Variants in ATRNL1 observed in about 807,000 individuals in gnomAD.
ATRNL1 encodes attractin like 1.
Under a neutral mutation model 182.7 loss-of-function variants are expected in ATRNL1, and 95 were observed. That is an observed-to-expected ratio of 0.52 (90% CI 0.44 to 0.62). ATRNL1 has a LOEUF of 0.62. Among genes scored for constraint, ATRNL1 ranks in the 20% least tolerant of loss-of-function variants. The pLI, the probability that ATRNL1 is intolerant of heterozygous loss-of-function variation, is 0.00. For missense variants in ATRNL1, 1,471 were observed against 1,679.5 expected (o/e 0.88, Z 2.17); for synonymous variants, 576 against 568.3 (o/e 1.01, Z -0.19).
At chr10:115,201,505 CG>C in intron 8 of ATRNL1, among the ~76,000 whole-genome samples, 1 of 152,126 alleles carries the variant, frequency 6.6e-6, no homozygotes, top group Admixed American at 6.6e-5. Context: ...CCCCATTGCT[CG>C]TTTTTCTCAG....
chr10:115,269,224 A>G (rs1851735814), intron 13 of ATRNL1, among the ~76,000 whole-genome samples: 1 of 152,222 alleles, frequency 6.6e-6, no homozygotes, highest in Non-Finnish European at 1.5e-5. Flanking sequence ...AGAAGCAAAA[A>G]TTAAGATTTT....
intron 9 of ATRNL1, among the ~76,000 whole-genome samples, chr10:115,218,180 G>T (rs913928717): frequency 6.6e-6 from 1 of 151,652 alleles, no homozygotes; most frequent in Non-Finnish European, 1.5e-5. Flanking sequence ...GCAACTAGAT[G>T]GTCCCATTCT....
intron 28 of ATRNL1, among the ~76,000 whole-genome samples, chr10:115,932,279 A>G (rs572434204): frequency 2.7e-4 from 41 of 152,224 alleles, no homozygotes; most frequent in Non-Finnish European, 5.6e-4. Flanking sequence ...AATGTGTACT[A>G]TCAGGGTCCT....
Position 115,244,539 on chromosome 10 carries a change from T to G in ATRNL1, c.1687+2814T>G, listed in dbSNP as rs1355188654. Among the ~76,000 whole-genome samples, 7 of 152,336 alleles carry G rather than the reference T, an allele frequency of 4.6e-5. No individual in the cohort carries two copies. The East Asian group carries it at 1.4e-3, about 29-fold the overall frequency. On this transcript the variant is annotated intron_variant, in intron 10 of 28. Transcript: ENST00000355044. Reference sequence around the variant, plus strand: ...ACTAAAGTGCAGCTGATAATACAGCTAGGGTGGTGAATAAGATAGGTTGAG... The same window carrying G: ...ACTAAAGTGCAGCTGATAATACAGCGAGGGTGGTGAATAAGATAGGTTGAG...
At chr10:115,346,964 A>AT (rs1431804762) in intron 19 of ATRNL1, among the ~76,000 whole-genome samples, 1 of 152,042 alleles carries the variant, frequency 6.6e-6, no homozygotes, top group East Asian at 1.9e-4. Context: ...CACAATGATT[A>AT]TTTTTTTGCC....
chr10:115,671,029 G>T (rs567354420), intron 26 of ATRNL1, among the ~76,000 whole-genome samples: 2 of 152,240 alleles, frequency 1.3e-5, no homozygotes, highest in African/African-American at 4.8e-5. Context: ...CTGTGGTAGT[G>T]GGGTTGGAGC....
chr10:115,107,472 C>T (rs188683323), intron 1 of ATRNL1, among the ~76,000 whole-genome samples: 1 of 152,306 alleles, frequency 6.6e-6, no homozygotes, highest in East Asian at 1.9e-4. Flanking sequence ...CTCCCAAGAC[C>T]TCAGGCAGCC....
chr10:115,818,451 A>G (rs781942410), intron 27 of ATRNL1, among the ~76,000 whole-genome samples: 14 of 152,108 alleles, frequency 9.2e-5, no homozygotes, highest in Admixed American at 2.0e-4. Context: ...GCCCTATTCA[A>G]AAATGTTTCA....
chr10:115,106,304 A>G (rs1844006989), intron 1 of ATRNL1, among the ~76,000 whole-genome samples: 1 of 151,916 alleles, frequency 6.6e-6, no homozygotes, highest in Non-Finnish European at 1.5e-5. Context: ...CAATACCTAT[A>G]CCCCCATTGT....
At chr10:115,473,622 C>T (rs1848405279) in intron 24 of ATRNL1, among the ~76,000 whole-genome samples, 1 of 151,202 alleles carries the variant, frequency 6.6e-6, no homozygotes, top group Non-Finnish European at 1.5e-5. Context: ...TCTACTTCAT[C>T]TTTTTGGAAG....
At chr10:115,132,046 C>T (rs1554875320) in intron 5 of ATRNL1, among the ~76,000 whole-genome samples, 1 of 152,214 alleles carries the variant, frequency 6.6e-6, no homozygotes, top group African/African-American at 2.4e-5. Flanking sequence ...ACGTCACTTA[C>T]ATTAGGTGTA....
At chr10:115,351,307 C>T (rs569565229) in intron 19 of ATRNL1, among the ~76,000 whole-genome samples, 4 of 152,062 alleles carry the variant, frequency 2.6e-5, no homozygotes, top group Non-Finnish European at 4.4e-5. Flanking sequence ...TGAAAGTGGG[C>T]GTCTTTGTTG....
chr10:115,679,910 G>A (rs1482101934), intron 26 of ATRNL1, among the ~76,000 whole-genome samples: 2 of 152,072 alleles, frequency 1.3e-5, no homozygotes, highest in African/African-American at 4.8e-5. Flanking sequence ...GTTAAAAGTA[G>A]TCAACATACT....
At chr10:115,261,766 C>T (rs773711825) in intron 10 of ATRNL1, among the ~76,000 whole-genome samples, 2 of 151,946 alleles carry the variant, frequency 1.3e-5, no homozygotes, top group Non-Finnish European at 2.9e-5. Flanking sequence ...TGGTGGTGTG[C>T]ACCTATAATT....
At chr10:115,734,708 T>C (rs1243469186) in intron 27 of ATRNL1, among the ~76,000 whole-genome samples, 1 of 152,232 alleles carries the variant, frequency 6.6e-6, no homozygotes, top group East Asian at 1.9e-4. Context: ...TTAAATGCTA[T>C]ATTTTCTCTA....
At position 115,534,712 on chromosome 10, in the gene ATRNL1, T is replaced by C. The variant is rs544313969; in HGVS notation, c.3717-14746T>C. 4.6e-5 allele frequency among the ~76,000 whole-genome samples: 7 copies of C among 152,226 alleles called. No homozygotes were observed. In the East Asian group the frequency reaches 5.8e-4, roughly 13 times the overall value. ...GTTTCTTCCTAGTCTCGATGGTCTT[T>C]ACATTTTGGCATGATTTTGTAGCAG... On this transcript the variant is annotated intron_variant, in intron 25 of 28. Coordinates refer to ENST00000355044, the MANE Select transcript of ATRNL1 (RefSeq NM_207303.4).
intron 28 of ATRNL1, among the ~76,000 whole-genome samples, chr10:115,861,676 A>T (rs1362465869): frequency 6.6e-6 from 1 of 152,168 alleles, no homozygotes; most frequent in East Asian, 1.9e-4. Context: ...TTCGCAATAC[A>T]TGATTTTTTC....
At chr10:115,752,296 A>G (rs1948470637) in intron 27 of ATRNL1, among the ~76,000 whole-genome samples, 1 of 152,054 alleles carries the variant, frequency 6.6e-6, no homozygotes, top group Non-Finnish European at 1.5e-5. Flanking sequence ...GGGATTTCAG[A>G]GAAATGAGAG....
chr10:115,559,443 T>TGTGTGTGCGCGC (rs200694810), intron 26 of ATRNL1, among the ~76,000 whole-genome samples: 2,753 of 77,692 alleles, frequency 0.035, 43 homozygotes, highest in South Asian at 0.048. Flanking sequence ...TGTGTGTGTG[T>TGTGTGTGCGCGC]GCGCGCGCGC....
Sources: allele counts gnomAD v4.1 joint callset (sites outside exome capture counted in the v4.1 genomes callset), GRCh38; gene constraint gnomAD v4.1.1; transcripts MANE v1.5; gene names NCBI Gene and HGNC (gene_info 2026-07-23, HGNC 2026-07-21).